TBC1D20: variants seen among roughly 807,000 people sequenced by gnomAD.
TBC1D20 encodes TBC1 domain family member 20.
Under a neutral mutation model 41.6 loss-of-function variants are expected in TBC1D20, and 12 were observed. The observed-to-expected ratio is 0.29, with a 90% CI of 0.18 to 0.47. TBC1D20 has a LOEUF of 0.47. Ranked by LOEUF, TBC1D20 falls within the 20% of genes least tolerant of loss-of-function variation. The probability of loss-of-function intolerance (pLI) is 1.00; values close to 1 mark genes in which losing one functional copy is unlikely to be tolerated. For synonymous variants in TBC1D20, 205 were observed against 204.8 expected (o/e 1.00, Z -0.01); for missense variants, 421 against 517.4 (o/e 0.81, Z 1.81).
At chr20:448,250 ACT>A (rs2122402185) in intron 1 of TBC1D20, among the ~76,000 whole-genome samples, 176 bp from the exon 2 acceptor site, 1 of 152,302 alleles carries the variant, frequency 6.6e-6, no homozygotes, top group Admixed American at 6.5e-5. Context: ...GGCCCAGTCT[ACT>A]GGACCTCATG....
Position 438,707 on chromosome 20 carries a change from G to T in TBC1D20, c.1091C>A (p.Thr364Asn). ...CACTGCCAATTTCACAAAGCGGTTG[G>T]TCCTTGGCTTGGTCAGGACATCTTT... is the stretch of plus-strand genomic sequence containing the variant. ...RTKDVLTKPR[T>N]NRFVKLAVMG... is the part of the protein sequence containing the mutation. The change falls in exon 8 of 8, where the codon ACC (threonine) becomes AAC (asparagine). Residue 364 changes from threonine to asparagine, a missense_variant. Physicochemically the swap from Thr to Asn is moderately conservative, Grantham distance 65. Coordinates refer to ENST00000354200, the MANE Select transcript of TBC1D20 (RefSeq NM_144628.4). The T allele has an allele frequency of 6.2e-7, 1 of 1,614,204 alleles. No homozygotes were observed. Among genetic ancestry groups the T allele is most frequent in the Non-Finnish European group, 8.5e-7 (1 of 1,180,038 alleles).
At position 447,876 on chromosome 20, in the gene TBC1D20, C is replaced by G; in HGVS notation, c.256+13G>C. The G allele has an allele frequency of 6.3e-7, 1 of 1,593,156 alleles. No individual in the cohort carries two copies. Among genetic ancestry groups the G allele is most frequent in the African/African-American group, 1.3e-5 (1 of 74,742 alleles). ...AGATAAGCTCCCCTCACAGCCTCCC[C>G]CACTCCCCTTACCTGATATAGGAGG... is the stretch of plus-strand genomic sequence containing the variant. On this transcript the variant is annotated intron_variant, in intron 2 of 7. Coordinates refer to ENST00000354200, the MANE Select transcript of TBC1D20 (RefSeq NM_144628.4).
intron 1 of TBC1D20, among the ~76,000 whole-genome samples, chr20:453,223 C>T (rs1258299540): frequency 1.5e-5 from 2 of 135,434 alleles, no homozygotes; most frequent in African/African-American, 2.8e-5. Flanking sequence ...CTGTAATCCT[C>T]GCACTTTGGG....
At chr20:441,194 T>A (rs2017223239) in intron 5 of TBC1D20, 1 of 170,098 alleles carries the variant, frequency 5.9e-6, no homozygotes, top group South Asian at 1.7e-4. Flanking sequence ...AAACATCACA[T>A]GGGATTTGCA....
At chr20:455,435 T>C (rs905810102) in intron 1 of TBC1D20, among the ~76,000 whole-genome samples, 1 of 152,060 alleles carries the variant, frequency 6.6e-6, no homozygotes, top group African/African-American at 2.4e-5. Context: ...CTGACCAACA[T>C]GGTGAAACCC....
rs1296716285 is a variant in TBC1D20, at chr20:438,370, T to A, written c.*216A>T. 2 of 577,968 alleles carry A rather than the reference T, an allele frequency of 3.5e-6. No individual in the cohort carries two copies. The highest frequency in any genetic ancestry group is 6.1e-6 in the Non-Finnish European group (2 of 329,192). 35.8% of individuals were successfully genotyped at this position (577,968 alleles called of 1,614,324 possible). ...ATCCAAAAGCCCACTGGGAGAGGCA[T>A]AAGATTCTGTGCCAGGCCCCCAGGT... On this transcript the variant is annotated 3_prime_UTR_variant, in exon 8 of 8. Coordinates refer to ENST00000354200, the MANE Select transcript of TBC1D20 (RefSeq NM_144628.4).
At chr20:452,573 C>G (rs916343055) in intron 1 of TBC1D20, among the ~76,000 whole-genome samples, 3 of 152,134 alleles carry the variant, frequency 2.0e-5, no homozygotes, top group Admixed American at 6.5e-5. Context: ...GCTATGATAG[C>G]ACCACTGCAC....
rs750610948 is a variant in TBC1D20, at chr20:445,061, C to T, written c.326G>A (p.Arg109Gln). ...GGAGAGCTTCTCACCAGGAGGGAAC[C>T]GCCGCAATGACCGCCGGACGTCCAG... Reference protein sequence around the residue: ...VLLDVRRSLRRFPPGMPEEQR... With the variant: ...VLLDVRRSLRQFPPGMPEEQR... The change falls in exon 3 of 8, where the codon CGG becomes CAG. Residue 109 changes from arginine to glutamine, a missense_variant. Physicochemically the swap from Arg to Gln is conservative, Grantham distance 43. This residue lies in a region of TBC1D20 where 150 missense variants were observed against 151.3 expected (regional missense o/e 0.99). Transcript: ENST00000354200. 2.5e-6 allele frequency: 4 copies of T among 1,604,334 alleles called. No individual in the cohort carries two copies. Among genetic ancestry groups the T allele is most frequent in the Non-Finnish European group, 3.4e-6 (4 of 1,174,370 alleles).
At chr20:461,177 T>C (rs966473636) in intron 1 of TBC1D20, among the ~76,000 whole-genome samples, 1 of 152,232 alleles carries the variant, frequency 6.6e-6, no homozygotes, top group Non-Finnish European at 1.5e-5. Context: ...ATAGGGAAAG[T>C]CACCTTAGTC....
intron 1 of TBC1D20, among the ~76,000 whole-genome samples, chr20:451,623 A>G (rs2017443941): frequency 6.6e-6 from 1 of 152,110 alleles, no homozygotes. Context: ...GTTAAACCCA[A>G]AGCAGCACCC....
At chr20:442,111 G>A (rs1034982762) in intron 3 of TBC1D20, 68 bp from the exon 4 acceptor site, 1 of 1,363,380 alleles carries the variant, frequency 7.3e-7, no homozygotes, top group Non-Finnish European at 9.9e-7. Flanking sequence ...GTCGAAGAAG[G>A]CCAGCAATGA....
Position 438,439 on chromosome 20 carries a change from A to G in TBC1D20, c.*147T>C. The G allele has an allele frequency of 2.1e-6, 2 of 948,176 alleles. No individual in the cohort carries two copies. The highest frequency in any genetic ancestry group is 3.1e-6 in the Non-Finnish European group (2 of 639,108). 58.7% of individuals were successfully genotyped at this position (948,176 alleles called of 1,614,324 possible). ...GCTCTGCTACTGGCCTCTGAAGTAA[A>G]GGCAAACACAAACGGGCAGGGCAGG... is the stretch of plus-strand genomic sequence containing the variant. On this transcript the variant is annotated 3_prime_UTR_variant, in exon 8 of 8. Transcript: ENST00000354200.
chr20:441,509 G>T, intron 5 of TBC1D20, 79 bp downstream of exon 5: 1 of 1,265,906 alleles, frequency 7.9e-7, no homozygotes. Flanking sequence ...AACTGCGCTC[G>T]GCTTGTGAGG....
chr20:453,092 G>A (rs927122183), intron 1 of TBC1D20, among the ~76,000 whole-genome samples: 6 of 131,000 alleles, frequency 4.6e-5, no homozygotes, highest in Admixed American at 9.4e-5. Context: ...ATTGAGGTAA[G>A]CTGAGATTGC....
In TBC1D20 at chr20:439,358, A is replaced by G; in HGVS notation, c.769-63T>C. 7.8e-7 allele frequency: 1 copy of G among 1,277,744 alleles called. No individual in the cohort carries two copies. The highest frequency in any genetic ancestry group is 1.1e-6 in the Non-Finnish European group (1 of 909,572). 79.2% of individuals were successfully genotyped at this position (1,277,744 alleles called of 1,614,324 possible). ...GACACACAGGGCCTGGGCCACCTGCACTCCATTATCCTTGCAGATGAATTT... is the reference window on the plus strand; with the variant it reads ...GACACACAGGGCCTGGGCCACCTGCGCTCCATTATCCTTGCAGATGAATTT... On this transcript the variant is annotated intron_variant, in intron 6 of 7. Coordinates refer to ENST00000354200, the MANE Select transcript of TBC1D20 (RefSeq NM_144628.4). This position sits in a 1 kb window ranked among gnomAD's most constrained non-coding sequence, Gnocchi z 4.6.
intron 5 of TBC1D20, 80 bp downstream of exon 5, chr20:441,508 C>A: frequency 7.9e-7 from 1 of 1,259,030 alleles, no homozygotes; most frequent in Non-Finnish European, 1.2e-6. Context: ...AAACTGCGCT[C>A]GGCTTGTGAG....
intron 1 of TBC1D20, among the ~76,000 whole-genome samples, chr20:458,782 C>G (rs1460043154): frequency 6.6e-6 from 1 of 152,182 alleles, no homozygotes; most frequent in East Asian, 1.9e-4. Context: ...TTTTCCCATA[C>G]TGTTAAGGTG....
intron 2 of TBC1D20, 41 bp downstream of exon 2, chr20:447,848 C>T: frequency 1.3e-6 from 2 of 1,536,138 alleles, no homozygotes; most frequent in Non-Finnish European, 8.8e-7. Context: ...CCCCCTGTCT[C>T]CTAGATAAGC....
intron 1 of TBC1D20, among the ~76,000 whole-genome samples, chr20:454,816 C>T (rs895806890): frequency 2.6e-5 from 4 of 152,004 alleles, no homozygotes; most frequent in Admixed American, 6.6e-5. Context: ...GGATTACAGG[C>T]GCATGCTGCC....
Sources: gnomAD v4.1 joint callset for allele counts (sites outside exome capture counted in the v4.1 genomes callset) on GRCh38, gnomAD v4.1.1 for gene constraint, gnomAD v4.1.1 regional missense constraint, Gnocchi (gnomAD v3.1) non-coding constraint, MANE v1.5 for transcripts, NCBI Gene and HGNC (gene_info 2026-07-23, HGNC 2026-07-21) for gene names.